Variants in RNF213 observed in about 807,000 individuals in gnomAD.
RNF213 encodes the protein ring finger protein 213, also known as E3 ubiquitin-protein ligase RNF213.
In RNF213, 341 loss-of-function variants were observed where a neutral mutation model predicts 514.4. That is an observed-to-expected ratio of 0.66 (90% CI 0.61 to 0.73). The LOEUF (loss-of-function observed/expected upper bound fraction) is 0.73, where lower values mean the gene tolerates loss of function less well. Ranked by LOEUF, RNF213 falls within the 30% of genes least tolerant of loss-of-function variation. The pLI, the probability that RNF213 is intolerant of heterozygous loss-of-function variation, is 0.00. For missense variants in RNF213, 5,767 were observed against 6,615.6 expected (o/e 0.87, Z 4.45); for synonymous variants, 2,655 against 2,658.2 (o/e 1.00, Z 0.04).
In RNF213 at chr17:80,306,434, G is replaced by A. The variant is rs201957324; in HGVS notation, c.2393G>A (p.Arg798Gln). Residue 798 changes from arginine to glutamine, a missense_variant, in exon 12 of 68, where the codon CGG becomes CAG. Arg to Gln is a conservative substitution (Grantham distance 43). Around this residue, in one of 13 missense-constraint regions of RNF213, gnomAD observed 592 missense variants for 673.9 expected, o/e 0.88. Coordinates refer to ENST00000582970, the MANE Select transcript of RNF213 (RefSeq NM_001256071.3). ...ILDCLSGIYYRLPGLEQVLNT... is the reference protein window; with the variant it reads ...ILDCLSGIYYQLPGLEQVLNT... ...GACTGTCTTTCAGGGATTTACTACCGGCTTCCGGGACTTGAGCAAGTCTTG... is the reference window on the plus strand; with the variant it reads ...GACTGTCTTTCAGGGATTTACTACCAGCTTCCGGGACTTGAGCAAGTCTTG... 2.0e-5 allele frequency: 32 copies of A among 1,613,960 alleles called. No individual in the cohort carries two copies. The highest frequency in any genetic ancestry group is 1.2e-4 in the South Asian group (11 of 91,076).
At chr17:80,358,747 A>G (rs1040376537) in intron 37 of RNF213, among the ~76,000 whole-genome samples, 2 of 152,056 alleles carry the variant, frequency 1.3e-5, no homozygotes, top group African/African-American at 4.8e-5. Flanking sequence ...CGTCTCTACT[A>G]AAAATACAAA....
At position 80,346,303 on chromosome 17, in the gene RNF213, G is replaced by A. The variant is rs376216253; in HGVS notation, c.7968G>A (p.Ala2656=). The A allele has an allele frequency of 1.4e-5, 22 of 1,613,988 alleles. No homozygotes were observed. The East Asian group carries it at 2.0e-4, about 15-fold the overall frequency. ...KVFRWFHEHS[A]MLLAQLNAFL... ...TCAGGTGGTTCCACGAGCACAGCGCGATGCTCTTAGCGCAGCTGAATGCCT... is the reference window on the plus strand; with the variant it reads ...TCAGGTGGTTCCACGAGCACAGCGCAATGCTCTTAGCGCAGCTGAATGCCT... The change falls in exon 29 of 68, where the codon GCG becomes GCA. Residue 2656 remains alanine (A), a synonymous_variant. Coordinates refer to ENST00000582970, the MANE Select transcript of RNF213 (RefSeq NM_001256071.3). This position sits in a 1 kb window ranked among gnomAD's most constrained non-coding sequence, Gnocchi z 8.1.
At chr17:80,272,028 T>C (rs193240978) in intron 2 of RNF213, among the ~76,000 whole-genome samples, 58 of 151,532 alleles carry the variant, frequency 3.8e-4, no homozygotes, top group Admixed American at 1.8e-3. Flanking sequence ...CTCACACCTG[T>C]AATCCCAGCA....
intron 15 of RNF213, among the ~76,000 whole-genome samples, chr17:80,314,265 A>ACGTGG (rs2045743928): frequency 6.2e-5 from 3 of 48,490 alleles, no homozygotes; most frequent in African/African-American, 3.9e-4. Flanking sequence ...GATGGTGGTA[A>ACGTGG]AGGTGATGGT....
intron 14 of RNF213, among the ~76,000 whole-genome samples, chr17:80,311,571 T>C (rs28494520): frequency 0.22 from 33,255 of 152,160 alleles, 4,562 homozygotes; most frequent in African/African-American, 0.39. Flanking sequence ...TGCATCCTGG[T>C]CCCTCTTACA....
In RNF213 at chr17:80,319,286, A is replaced by G. The variant is rs1438592439; in HGVS notation, c.2998A>G (p.Ile1000Val). 4.3e-6 allele frequency: 7 copies of G among 1,614,150 alleles called. No individual in the cohort carries two copies. The highest frequency in any genetic ancestry group is 5.9e-6 in the Non-Finnish European group (7 of 1,180,034). Residue 1000 changes from isoleucine to valine, a missense_variant, in exon 17 of 68, where the codon ATT becomes GTT. Coordinates refer to ENST00000582970, the MANE Select transcript of RNF213 (RefSeq NM_001256071.3). The stretch of plus-strand genomic sequence containing the variant: ...GGCCAAGACCTTCGAGAAATGCATC[A>G]TTGAAGCCGTGAGCTCAGCCTGCCA... Reference protein sequence around the residue: ...SVAKTFEKCIIEAVSSACQSQ... With the variant: ...SVAKTFEKCIVEAVSSACQSQ...
intron 37 of RNF213, among the ~76,000 whole-genome samples, chr17:80,359,590 AAG>A (rs1175893968): frequency 2.2e-5 from 3 of 134,632 alleles, no homozygotes; most frequent in Middle Eastern, 3.4e-3. Context: ...AAGAAAGAGA[AAG>A]AAAGAGCGAG....
intron 32 of RNF213, 158 bp from the exon 33 acceptor site, chr17:80,352,782 T>A (rs2078576448): frequency 1.3e-5 from 14 of 1,109,442 alleles, no homozygotes; most frequent in Non-Finnish European, 1.8e-5. Context: ...GTTGGGTGGT[T>A]TCTGCGCAGG....
In RNF213 at chr17:80,336,349, G is replaced by A. The variant is rs187758824; in HGVS notation, c.4498G>A (p.Asp1500Asn). The change falls in exon 23 of 68, where the codon GAT (aspartate) becomes AAT (asparagine). Residue 1500 changes from aspartate to asparagine, a missense_variant. Coordinates refer to ENST00000582970, the MANE Select transcript of RNF213 (RefSeq NM_001256071.3). ...TCTGAAAAAGCTGTGGAAGGCTCTG[G>A]ATAAGGACCAGTACCTGCCCAGGAA... ...KHLKKLWKAL[D>N]KDQYLPRKLC... 40 of 1,537,238 alleles carry A rather than the reference G, an allele frequency of 2.6e-5. No homozygotes were observed. The Admixed American group carries it at 5.9e-4, about 23-fold the overall frequency.
Position 80,343,293 on chromosome 17 carries a change from C to T in RNF213, c.6151C>T (p.Pro2051Ser). Reference sequence around the variant, plus strand: ...CCTGGATGCGCAGTATCAGAAGGTCCCCGTGCTCTTTCACCTGGACGTGAC... The same window carrying T: ...CCTGGATGCGCAGTATCAGAAGGTCTCCGTGCTCTTTCACCTGGACGTGAC... ...PFLDAQYQKVPVLFHLDVTSS... is the reference protein window; with the variant it reads ...PFLDAQYQKVSVLFHLDVTSS... The change falls in exon 27 of 68, where the codon CCC (proline) becomes TCC (serine). Residue 2051 changes from proline to serine, a missense_variant. Pro to Ser is a moderately conservative substitution (Grantham distance 74). Around this residue, in one of 13 missense-constraint regions of RNF213, gnomAD observed 1,377 missense variants for 1,635.2 expected, o/e 0.84. Coordinates refer to ENST00000582970, the MANE Select transcript of RNF213 (RefSeq NM_001256071.3). The surrounding 1 kb of genome is among the most constrained non-coding windows in gnomAD (Gnocchi z 4.3). 1.2e-6 allele frequency: 2 copies of T among 1,613,068 alleles called. No individual in the cohort carries two copies. Among genetic ancestry groups the T allele is most frequent in the Non-Finnish European group, 1.7e-6 (2 of 1,179,792 alleles).
At chr17:80,336,586 G>A in intron 23 of RNF213, 1 of 649,566 alleles carries the variant, frequency 1.5e-6, no homozygotes, top group South Asian at 1.5e-5. Context: ...ATGACACATA[G>A]TAATCTCTAA....
chr17:80,372,448 G>C, intron 47 of RNF213, 73 bp from the exon 48 acceptor site: 2 of 1,072,628 alleles, frequency 1.9e-6, no homozygotes, highest in Non-Finnish European at 2.8e-6. Context: ...AGTCACATTG[G>C]CGACTGTAGA....
At chr17:80,362,738 C>T (rs549932887) in intron 39 of RNF213, among the ~76,000 whole-genome samples, 1 of 152,330 alleles carries the variant, frequency 6.6e-6, no homozygotes, top group Non-Finnish European at 1.5e-5. Context: ...CAGGGATGTC[C>T]TTTTCAGCTT....
Position 80,291,874 on chromosome 17 carries a change from T to TG in RNF213, c.1471+48dup, listed in dbSNP as rs764961332. 7.5e-6 allele frequency: 12 copies of TG among 1,600,170 alleles called. No homozygotes were observed. The Admixed American group carries it at 2.0e-4, about 27-fold the overall frequency. On this transcript the variant is annotated intron_variant, in intron 8 of 67. Transcript: ENST00000582970. The stretch of plus-strand genomic sequence containing the variant: ...TCTGCTCACCCCTCCGGAGTGCAGG[T>TG]GCCAATCCCGCGGTACTGGACGCGT...
At chr17:80,279,657 C>T (rs1482675755) in intron 3 of RNF213, among the ~76,000 whole-genome samples, 1 of 151,540 alleles carries the variant, frequency 6.6e-6, no homozygotes, top group Non-Finnish European at 1.5e-5. Context: ...TTAGTAGAGA[C>T]GGGGTTTCAC....
At chr17:80,314,319 ATGGAGGTGATGGTGG>A (rs1418116511) in intron 15 of RNF213, among the ~76,000 whole-genome samples, 1 of 23,354 alleles carries the variant, frequency 4.3e-5, no homozygotes, top group Non-Finnish European at 8.3e-5. Context: ...GGTGGAGGTA[ATGGAGGTGATGGTGG>A]TGGTGGTGGT....
rs766473964 is a variant in RNF213 at position 80,381,565 on chromosome 17, A to T, written c.13816A>T (p.Lys4606Ter). The change falls in exon 57 of 68, where the codon AAG (lysine) becomes TAG (stop). Residue 4606 changes from lysine to a stop codon, truncating the protein, a stop_gained. Coordinates refer to ENST00000582970, the MANE Select transcript of RNF213 (RefSeq NM_001256071.3). LOFTEE classifies it high-confidence loss of function. Reference sequence around the variant, plus strand: ...CCCACAGGCTCTGATAAACATCATTAAGCCTCCAGTGAGGGATCCAAAAGG... The same window carrying T: ...CCCACAGGCTCTGATAAACATCATTTAGCCTCCAGTGAGGGATCCAAAAGG... Reference protein sequence around the residue: ...QSSQALINIIKPPVRDPKGFL... With the variant: ...QSSQALINII 1 of 1,614,138 alleles carries T rather than the reference A, an allele frequency of 6.2e-7. No homozygotes were observed. Among genetic ancestry groups the T allele is most frequent in the Non-Finnish European group, 8.5e-7 (1 of 1,180,008 alleles).
chr17:80,342,556 A>C (rs374142793), intron 26 of RNF213, among the ~76,000 whole-genome samples: 29 of 124,808 alleles, frequency 2.3e-4, no homozygotes, highest in East Asian at 4.3e-4. Context: ...CTCTCTCTCT[A>C]TTTTTATATA....
chr17:80,260,941 G>T, intron 1 of RNF213, 39 bp downstream of exon 1: 1 of 151,878 alleles, frequency 6.6e-6, no homozygotes, highest in South Asian at 1.9e-4. Flanking sequence ...GGCGGGGAGC[G>T]GGCTAGGATA....
Sources: gnomAD v4.1 joint callset for allele counts (sites outside exome capture counted in the v4.1 genomes callset) on GRCh38, gnomAD v4.1.1 for gene constraint, gnomAD v4.1.1 regional missense constraint, Gnocchi (gnomAD v3.1) non-coding constraint, MANE v1.5 for transcripts, NCBI Gene and HGNC (gene_info 2026-07-23, HGNC 2026-07-21) for gene names.